KAZN: variants seen among roughly 807,000 people sequenced by gnomAD.
The protein encoded by KAZN is kazrin.
KAZN carries 40 observed loss-of-function variants against 87.4 expected under a neutral mutation model. The ratio of observed to expected loss-of-function variants is 0.46; its 90% CI spans 0.36 to 0.60. The LOEUF is 0.60. Among genes scored for constraint, KAZN ranks in the 20% least tolerant of loss-of-function variants. The pLI is 0.00. For missense variants in KAZN, 898 were observed against 1,073.9 expected (o/e 0.84, Z 2.29); for synonymous variants, 466 against 458.3 (o/e 1.02, Z -0.22).
At chr1:14,776,982 T>C (rs1645193773) in intron 1 of KAZN, among the ~76,000 whole-genome samples, 1 of 151,364 alleles carries the variant, frequency 6.6e-6, no homozygotes, top group African/African-American at 2.4e-5. Context: ...CGGTATTTCT[T>C]CTTTGTTTTG....
chr1:14,083,563 G>C (rs923851919), intron 1 of KAZN, among the ~76,000 whole-genome samples: 5 of 152,224 alleles, frequency 3.3e-5, no homozygotes, highest in African/African-American at 9.6e-5. Flanking sequence ...CTATACATAA[G>C]AGCTGATGCT....
At chr1:14,214,324 C>A (rs1294378019) in intron 2 of KAZN, among the ~76,000 whole-genome samples, 1 of 152,096 alleles carries the variant, frequency 6.6e-6, no homozygotes, top group African/African-American at 2.4e-5. Flanking sequence ...AAACTCAAGG[C>A]AAGATTATGC....
chr1:14,727,983 C>CTCCTA (rs1267946904), intron 1 of KAZN, among the ~76,000 whole-genome samples: 1 of 151,888 alleles, frequency 6.6e-6, no homozygotes, highest in Non-Finnish European at 1.5e-5. Flanking sequence ...AGGGTTTGCG[C>CTCCTA]TCCTATGAGA....
chr1:14,468,973 G>C (rs16850320), intron 2 of KAZN, among the ~76,000 whole-genome samples: 5,177 of 152,302 alleles, frequency 0.034, 236 homozygotes, highest in East Asian at 0.18. Context: ...TACTGGGATT[G>C]TTACAGTTTA....
chr1:14,334,101 C>T (rs1318593631), intron 2 of KAZN, among the ~76,000 whole-genome samples: 1 of 151,786 alleles, frequency 6.6e-6, no homozygotes, highest in African/African-American at 2.4e-5. Context: ...AAGGTTGGCT[C>T]ATGCCTGTAA....
chr1:14,537,527 G>A (rs1672572686), intron 2 of KAZN, among the ~76,000 whole-genome samples: 1 of 152,228 alleles, frequency 6.6e-6, no homozygotes, highest in African/African-American at 2.4e-5. Flanking sequence ...TAACCCATCA[G>A]GGAATCTGGC....
At chr1:14,961,722 C>G (rs6663699) in intron 2 of KAZN, among the ~76,000 whole-genome samples, 41,178 of 152,154 alleles carry the variant, frequency 0.27, 6,150 homozygotes, top group African/African-American at 0.39. Flanking sequence ...TAAAGCTTTG[C>G]AACCTTCTTT....
rs1357860418 is a variant in KAZN, at chr1:15,094,891, G to T, written c.1505G>T (p.Arg502Leu). 3 of 1,550,584 alleles carry T rather than the reference G, an allele frequency of 1.9e-6. No individual in the cohort carries two copies. The highest frequency in any genetic ancestry group is 1.4e-5 in the African/African-American group (1 of 73,172). Residue 502 changes from arginine to leucine, a missense_variant, in exon 10 of 15, where the codon CGC (arginine) becomes CTC (leucine). By Grantham distance (102) the Arg-to-Leu change is moderately radical (BLOSUM62 -2). Transcript: ENST00000376030. The surrounding 1 kb of genome is among the most constrained non-coding windows in gnomAD (Gnocchi z 4.5). ...VCSSLHRRKL[R>L]LAIEDYRDAE... ...AGCTCCCTGCACCGGCGCAAGCTGCGCCTGGCCATCGAGGACTACCGTGAT... is the reference window on the plus strand; with the variant it reads ...AGCTCCCTGCACCGGCGCAAGCTGCTCCTGGCCATCGAGGACTACCGTGAT...
At chr1:14,931,043 T>C (rs6429693) in intron 1 of KAZN, among the ~76,000 whole-genome samples, 151,601 of 152,244 alleles carry the variant, frequency 1, 75,480 homozygotes, top group East Asian at 1. Context: ...TGAACCCGTT[T>C]CCTCTACTAG....
Position 14,818,793 on chromosome 1 carries a change from A to G in KAZN, c.227-141891A>G, listed in dbSNP as rs192339990. Among the ~76,000 whole-genome samples, 770 of 152,280 alleles carry G rather than the reference A, an allele frequency of 5.1e-3. 7 individuals are homozygous for G. The highest frequency in any genetic ancestry group is 0.018 in the African/African-American group (742 of 41,556). On this transcript the variant is annotated intron_variant, in intron 1 of 14. Coordinates refer to ENST00000376030, the MANE Select transcript of KAZN (RefSeq NM_201628.3). ...GAAGAGGCCAGGCATGGTGGCTCAC[A>G]CTTGTAACCCCAGCACTTTGGGAGG...
chr1:15,098,238 G>A (rs944798552), intron 10 of KAZN, among the ~76,000 whole-genome samples: 5 of 152,218 alleles, frequency 3.3e-5, no homozygotes, highest in Admixed American at 2.6e-4. Flanking sequence ...TCAGGGATGG[G>A]GCAGTGACAG....
chr1:14,531,637 A>G (rs1219879958), intron 2 of KAZN, among the ~76,000 whole-genome samples: 1 of 152,162 alleles, frequency 6.6e-6, no homozygotes, highest in Non-Finnish European at 1.5e-5. Context: ...AAATTGCTAA[A>G]TGCAAAACCT....
Position 13,950,723 on chromosome 1 carries a change from G to A in KAZN, c.91+56967G>A, listed in dbSNP as rs1641313882. Among the ~76,000 whole-genome samples the A allele has an allele frequency of 3.3e-5, 5 of 152,124 alleles. No homozygotes were observed. In the South Asian group the frequency reaches 8.3e-4, roughly 25 times the overall value. Reference sequence around the variant, plus strand: ...TGCGGCCTGGAGAGAGCAGAGGAACGAATACCCCAACCTCATCAGCCACTC... The same window carrying A: ...TGCGGCCTGGAGAGAGCAGAGGAACAAATACCCCAACCTCATCAGCCACTC... On this transcript the variant is annotated intron_variant, in intron 1 of 16. Coordinates refer to the KAZN transcript ENST00000636203.
chr1:14,365,805 C>T (rs1240690286), intron 2 of KAZN, among the ~76,000 whole-genome samples: 2 of 152,170 alleles, frequency 1.3e-5, no homozygotes, highest in Non-Finnish European at 2.9e-5. Context: ...TAACTCAAAA[C>T]AAAAAGACTT....
chr1:14,969,488 G>A (rs888021033), intron 2 of KAZN, among the ~76,000 whole-genome samples: 9 of 152,260 alleles, frequency 5.9e-5, no homozygotes, highest in Non-Finnish European at 1.0e-4. Context: ...CAGCCCTGAC[G>A]TAGAAGACTC....
chr1:14,146,681 T>G (rs1337985044), intron 1 of KAZN, among the ~76,000 whole-genome samples: 2 of 147,240 alleles, frequency 1.4e-5, no homozygotes, highest in Non-Finnish European at 3.0e-5. Flanking sequence ...AAATTCTAGG[T>G]CAAAACTCAT....
chr1:13,906,334 G>A (rs771862043), intron 1 of KAZN, among the ~76,000 whole-genome samples: 4 of 152,142 alleles, frequency 2.6e-5, no homozygotes, highest in Non-Finnish European at 4.4e-5. Flanking sequence ...AAAAGAAATA[G>A]AGCAAACAAC....
At chr1:14,892,878 A>G (rs2101176842) in intron 1 of KAZN, among the ~76,000 whole-genome samples, 1 of 152,334 alleles carries the variant, frequency 6.6e-6, no homozygotes, top group South Asian at 2.1e-4. Context: ...GGAAAAAAGG[A>G]ATGGACAGAG....
chr1:14,764,719 A>C (rs1392854782), intron 1 of KAZN, among the ~76,000 whole-genome samples: 1 of 152,102 alleles, frequency 6.6e-6, no homozygotes, highest in Non-Finnish European at 1.5e-5. Flanking sequence ...CCTTGAGGAC[A>C]GTCACCCTGA....
Sources: gnomAD v4.1 joint callset for allele counts (sites outside exome capture counted in the v4.1 genomes callset) on GRCh38, gnomAD v4.1.1 for gene constraint, Gnocchi (gnomAD v3.1) non-coding constraint, MANE v1.5 for transcripts, NCBI Gene and HGNC (gene_info 2026-07-23, HGNC 2026-07-21) for gene names.